COL4A6: variants seen among roughly 807,000 people sequenced by gnomAD.
COL4A6 encodes the protein collagen type IV alpha 6 chain.
COL4A6 carries 59 observed loss-of-function variants against 126.7 expected under a neutral mutation model. The observed-to-expected ratio is 0.47, with a 90% CI of 0.38 to 0.58. The LOEUF is 0.58. Among genes scored for constraint, COL4A6 ranks in the 20% least tolerant of loss-of-function variants. The pLI, the probability that COL4A6 is intolerant of heterozygous loss-of-function variation, is 0.00. For missense variants in COL4A6, 1,285 were observed against 1,337.3 expected (o/e 0.96, Z 0.61); for synonymous variants, 547 against 496.6 (o/e 1.10, Z -1.35).
At chrX:108,382,686 C>T (rs897786859) in intron 2 of COL4A6, among the ~76,000 whole-genome samples, 1 of 110,379 alleles carries the variant, frequency 9.1e-6, no homozygotes. Context: ...GTGGCTCACG[C>T]TTGTAAACCC....
chrX:108,235,014 C>G (rs974685953), intron 3 of COL4A6, among the ~76,000 whole-genome samples: 1 of 111,386 alleles, frequency 9.0e-6, no homozygotes, highest in African/African-American at 3.3e-5. Flanking sequence ...CCAATCAGCA[C>G]TGAGAGCTCC....
chrX:108,175,566 C>T, intron 29 of COL4A6, 88 bp downstream of exon 29: 2 of 1,019,756 alleles, frequency 2.0e-6, no homozygotes, highest in Non-Finnish European at 2.7e-6. Flanking sequence ...AGATTTGGTA[C>T]AAACCACAGG....
At chrX:108,170,102 T>A (rs2034256834) in intron 35 of COL4A6, 86 bp from the exon 36 acceptor site, 1 of 777,347 alleles carries the variant, frequency 1.3e-6, no homozygotes, top group South Asian at 2.4e-5. Context: ...CCCAAAGGCA[T>A]TGCGAGGTCC....
intron 2 of COL4A6, among the ~76,000 whole-genome samples, chrX:108,329,810 C>T (rs1216388325): frequency 6.4e-5 from 7 of 110,003 alleles, no homozygotes; most frequent in East Asian, 2.9e-4. Flanking sequence ...GGTAAATGGA[C>T]GGATTAAGGT....
At chrX:108,222,666 C>T (rs1338534451) in intron 3 of COL4A6, among the ~76,000 whole-genome samples, 1 of 111,542 alleles carries the variant, frequency 9.0e-6, no homozygotes, top group Non-Finnish European at 1.9e-5. Flanking sequence ...CTCTTGGGCA[C>T]CACCTACCAC....
In COL4A6 at chrX:108,157,132, G is replaced by A. The variant is rs2033765036; in HGVS notation, c.4941C>T (p.Asn1647=). 1 of 1,210,570 alleles carries A rather than the reference G, an allele frequency of 8.3e-7. No homozygotes were observed. Among genetic ancestry groups the A allele is most frequent in the Non-Finnish European group, 1.1e-6 (1 of 895,325 alleles). Residue 1647 remains asparagine, a synonymous_variant, in exon 45 of 45, where the codon AAC becomes AAT. Coordinates refer to ENST00000334504, the MANE Select transcript of COL4A6 (RefSeq NM_033641.4). ...CTGTGGTCAACCAGAAACTGTACTTGTTTGCAAAGTAGTGGCAGGTGCCTC... is the reference window on the plus strand; with the variant it reads ...CTGTGGTCAACCAGAAACTGTACTTATTTGCAAAGTAGTGGCAGGTGCCTC... ...GARGTCHYFA[N]KYSFWLTTVE... is the part of the protein sequence containing the mutation.
chrX:108,197,188 C>T (rs988768383), intron 13 of COL4A6, among the ~76,000 whole-genome samples: 2 of 111,879 alleles, frequency 1.8e-5, no homozygotes, highest in African/African-American at 6.5e-5. Context: ...TCTTGCCTGG[C>T]CCTAGAGATA....
At chrX:108,371,571 CTA>C (rs2040326221) in intron 2 of COL4A6, among the ~76,000 whole-genome samples, 1 of 83,393 alleles carries the variant, frequency 1.2e-5, no homozygotes, top group African/African-American at 4.8e-5. Context: ...TACTCTGTCT[CTA>C]TAAAAAAAAA....
intron 2 of COL4A6, among the ~76,000 whole-genome samples, chrX:108,386,721 TA>T (rs775135140): frequency 1.8e-5 from 2 of 112,058 alleles, no homozygotes; most frequent in Admixed American, 1.9e-4. Context: ...TTAGTTTAAT[TA>T]GATCCCATTT....
At chrX:108,319,220 A>T (rs970026159) in intron 2 of COL4A6, among the ~76,000 whole-genome samples, 1 of 112,183 alleles carries the variant, frequency 8.9e-6, no homozygotes. Flanking sequence ...CTACAAAAAA[A>T]TTAGACAGGT....
chrX:108,290,988 T>C (rs1171648699), intron 3 of COL4A6, among the ~76,000 whole-genome samples: 1 of 112,412 alleles, frequency 8.9e-6, no homozygotes, highest in Non-Finnish European at 1.9e-5. Flanking sequence ...CATTCCAGTT[T>C]GCCTAGGACA....
chrX:108,254,303 C>T (rs2036935508), intron 3 of COL4A6, among the ~76,000 whole-genome samples: 1 of 110,518 alleles, frequency 9.0e-6, no homozygotes, highest in African/African-American at 3.3e-5. Context: ...CACAAACATT[C>T]CAGATAGCAA....
chrX:108,220,933 A>G (rs1161673283), intron 4 of COL4A6: 1 of 276,572 alleles, frequency 3.6e-6, no homozygotes, highest in Non-Finnish European at 6.8e-6. Context: ...GTGAAACTCC[A>G]TCTCTACTAA....
rs186905404 is a variant in COL4A6 at position 108,170,443 on chromosome X, C to G, written c.3493+166G>C. Among the ~76,000 whole-genome samples the G allele has an allele frequency of 1.0e-3, 115 of 112,497 alleles. 4 individuals are homozygous for G. The East Asian group carries it at 0.031, about 30-fold the overall frequency. ...CCATATTCTTCTCTTCACACTCATGCTTGCCTGCCTTCATTACTCTTCATC... is the reference window on the plus strand; with the variant it reads ...CCATATTCTTCTCTTCACACTCATGGTTGCCTGCCTTCATTACTCTTCATC... On this transcript the variant is annotated intron_variant, in intron 35 of 44. Transcript: ENST00000334504.
Position 108,221,328 on chromosome X carries a change from C to T in COL4A6, c.191G>A (p.Gly64Glu). The change falls in exon 4 of 45, where the codon GGA becomes GAA. Residue 64 changes from glycine to glutamate, a missense_variant. Gly to Glu is a moderately conservative substitution (Grantham distance 98). Coordinates refer to ENST00000334504, the MANE Select transcript of COL4A6 (RefSeq NM_033641.4). ...CGATAAACCAGTAGAGCCAGTGAAT[C>T]CTTGAGGACCTGTTGGGCCTTGAAT... ...IGIQGPTGPQGFTGSTGLSGL... is the reference protein window; with the variant it reads ...IGIQGPTGPQEFTGSTGLSGL... 8.3e-7 allele frequency: 1 copy of T among 1,211,741 alleles called. No homozygotes were observed. Among genetic ancestry groups the T allele is most frequent in the South Asian group, 1.8e-5 (1 of 56,994 alleles).
intron 27 of COL4A6, among the ~76,000 whole-genome samples, chrX:108,177,284 T>C (rs1211958906): frequency 8.9e-6 from 1 of 112,412 alleles, no homozygotes; most frequent in African/African-American, 3.2e-5. Context: ...TTATAACTTT[T>C]TGTCTCTTTG....
intron 2 of COL4A6, among the ~76,000 whole-genome samples, chrX:108,317,982 G>C (rs753402392): frequency 9.0e-5 from 10 of 111,602 alleles, no homozygotes; most frequent in African/African-American, 3.3e-4. Context: ...TTGGTAGCTT[G>C]ATGGAGATGG....
chrX:108,204,460 G>GT (rs1569351783), intron 11 of COL4A6, 48 bp from the exon 12 acceptor site: 2 of 1,084,107 alleles, frequency 1.8e-6, no homozygotes, highest in African/African-American at 3.7e-5. Context: ...CACACCGACC[G>GT]TTTTTCCAGA....
chrX:108,159,079 T>C (rs777957796), intron 44 of COL4A6, among the ~76,000 whole-genome samples: 1 of 111,493 alleles, frequency 9.0e-6, no homozygotes, highest in South Asian at 3.8e-4. Flanking sequence ...GACAGTGCCA[T>C]GGCTGGACTG....
Sources: allele counts gnomAD v4.1 joint callset (sites outside exome capture counted in the v4.1 genomes callset), GRCh38; gene constraint gnomAD v4.1.1; transcripts MANE v1.5; gene names NCBI Gene and HGNC (gene_info 2026-07-23, HGNC 2026-07-21).